FRMD5: variants seen among roughly 807,000 people sequenced by gnomAD.
FRMD5 encodes the protein FERM domain-containing protein 5.
In FRMD5, 20 loss-of-function variants were observed where a neutral mutation model predicts 69.0. The ratio of observed to expected loss-of-function variants is 0.29; its 90% CI spans 0.20 to 0.42. The LOEUF (loss-of-function observed/expected upper bound fraction) is 0.42. Among genes scored for constraint, FRMD5 ranks in the 10% least tolerant of loss-of-function variants. The probability of loss-of-function intolerance (pLI) is 1.00; values close to 1 mark genes in which losing one functional copy is unlikely to be tolerated. For synonymous variants in FRMD5, 271 were observed against 260.1 expected (o/e 1.04, Z -0.40); for missense variants, 595 against 708.6 (o/e 0.84, Z 1.82).
At chr15:43,951,244 C>A (rs1420640531) in intron 1 of FRMD5, among the ~76,000 whole-genome samples, 2 of 151,760 alleles carry the variant, frequency 1.3e-5, no homozygotes, top group East Asian at 1.9e-4. Context: ...TACGGTGAAA[C>A]CCTGTCTGTA....
chr15:43,956,742 C>T (rs957388115), intron 1 of FRMD5, among the ~76,000 whole-genome samples: 3 of 152,146 alleles, frequency 2.0e-5, no homozygotes, highest in East Asian at 3.8e-4. Context: ...CTCATATGTA[C>T]GTGTGTCCAT....
intron 1 of FRMD5, among the ~76,000 whole-genome samples, chr15:44,175,743 T>C (rs2077883246): frequency 6.6e-6 from 1 of 152,144 alleles, no homozygotes; most frequent in Non-Finnish European, 1.5e-5. Flanking sequence ...GATGAACAAA[T>C]TGTGATACAT....
At chr15:43,921,742 A>G (rs144778591) in intron 2 of FRMD5, among the ~76,000 whole-genome samples, 104 of 152,354 alleles carry the variant, frequency 6.8e-4, no homozygotes, top group Non-Finnish European at 1.2e-3. Context: ...CCAATGTGGC[A>G]CAATCTTCAG....
chr15:43,965,702 C>T (rs548097125), intron 1 of FRMD5, among the ~76,000 whole-genome samples: 8 of 151,664 alleles, frequency 5.3e-5, no homozygotes, highest in African/African-American at 1.9e-4. Flanking sequence ...CTGCCTCAGC[C>T]TCCCAAGTAG....
intron 1 of FRMD5, among the ~76,000 whole-genome samples, chr15:44,115,319 C>A (rs117860261): frequency 6.6e-6 from 1 of 152,216 alleles, no homozygotes; most frequent in East Asian, 1.9e-4. Flanking sequence ...CTTTTATCTC[C>A]ATAAAAACAG....
At chr15:44,040,346 C>A (rs1402014262) in intron 1 of FRMD5, among the ~76,000 whole-genome samples, 1 of 151,880 alleles carries the variant, frequency 6.6e-6, no homozygotes, top group African/African-American at 2.4e-5. Context: ...GAAGAGCAAC[C>A]CCAAGACACA....
At chr15:44,150,361 A>G (rs2077423719) in intron 1 of FRMD5, among the ~76,000 whole-genome samples, 1 of 151,834 alleles carries the variant, frequency 6.6e-6, no homozygotes, top group Non-Finnish European at 1.5e-5. Context: ...AAGATATAAA[A>G]TTGTTTGTTT....
intron 1 of FRMD5, among the ~76,000 whole-genome samples, chr15:44,187,537 C>T (rs540134019): frequency 4.6e-5 from 7 of 151,186 alleles, no homozygotes; most frequent in African/African-American, 1.7e-4. Flanking sequence ...ATGCTCTTTA[C>T]GCATCCCCAT....
intron 7 of FRMD5, among the ~76,000 whole-genome samples, chr15:43,901,485 G>C (rs796494708): frequency 6.6e-6 from 1 of 152,172 alleles, no homozygotes; most frequent in Non-Finnish European, 1.5e-5. Context: ...GTAATGGAAA[G>C]AGAGAGGCAG....
intron 1 of FRMD5, among the ~76,000 whole-genome samples, chr15:44,192,999 C>G (rs2078220990): frequency 6.6e-6 from 1 of 152,154 alleles, no homozygotes; most frequent in South Asian, 2.1e-4. Flanking sequence ...ATAGCAAGCA[C>G]AAATCCAATA....
chr15:43,933,724 G>C (rs1454308825), intron 1 of FRMD5, among the ~76,000 whole-genome samples: 1 of 152,216 alleles, frequency 6.6e-6, no homozygotes, highest in Non-Finnish European at 1.5e-5. Flanking sequence ...CTTCCTACCA[G>C]GTTTTTAAAT....
chr15:43,887,124 GCTT>G lies in FRMD5; in HGVS notation c.884+1048_884+1050del, dbSNP rs563650570. On this transcript the variant is annotated intron_variant, in intron 10 of 13. Transcript: ENST00000417257. ...AGAGGCAAGGAGATTGCTTCTGTTTGCTTCTTCTCTACCCTTTGGTAGAGAGAA... is the reference window on the plus strand; with the variant it reads ...AGAGGCAAGGAGATTGCTTCTGTTTGCTTCTCTACCCTTTGGTAGAGAGAA... Among the ~76,000 whole-genome samples, 338 of 152,342 alleles carry G rather than the reference GCTT, an allele frequency of 2.2e-3. 3 individuals carry two copies. Among genetic ancestry groups the G allele is most frequent in the African/African-American group, 7.8e-3 (324 of 41,568 alleles).
At chr15:44,093,852 G>A (rs1267708351) in intron 1 of FRMD5, among the ~76,000 whole-genome samples, 3 of 151,944 alleles carry the variant, frequency 2.0e-5, no homozygotes, top group South Asian at 2.1e-4. Flanking sequence ...GATTACAGGC[G>A]TGATCCACCA....
At chr15:43,947,887 G>C (rs891936264) in intron 1 of FRMD5, among the ~76,000 whole-genome samples, 1 of 152,162 alleles carries the variant, frequency 6.6e-6, no homozygotes, top group African/African-American at 2.4e-5. Context: ...AAAAGCTAAC[G>C]AGTAGCCAAG....
intron 1 of FRMD5, among the ~76,000 whole-genome samples, chr15:43,987,754 T>A (rs1889467652): frequency 6.6e-6 from 1 of 152,176 alleles, no homozygotes; most frequent in Non-Finnish European, 1.5e-5. Context: ...TTCACCATGC[T>A]GGCAAGGCTA....
intron 1 of FRMD5, among the ~76,000 whole-genome samples, chr15:43,978,431 G>A (rs767884933): frequency 3.3e-5 from 5 of 152,174 alleles, no homozygotes; most frequent in African/African-American, 1.2e-4. Flanking sequence ...AGGGAAAGAA[G>A]GGACTGCGAT....
intron 2 of FRMD5, among the ~76,000 whole-genome samples, chr15:43,922,877 C>T (rs527998579): frequency 2.4e-4 from 37 of 152,202 alleles, no homozygotes; most frequent in African/African-American, 8.2e-4. Flanking sequence ...GCCATGTTGC[C>T]CAGGCTGGTC....
intron 1 of FRMD5, among the ~76,000 whole-genome samples, chr15:44,132,569 C>T (rs987394833): frequency 6.6e-6 from 1 of 152,094 alleles, no homozygotes; most frequent in Non-Finnish European, 1.5e-5. Flanking sequence ...GTTGGGACTA[C>T]AGACATGTGC....
intron 7 of FRMD5, among the ~76,000 whole-genome samples, 177 bp from the exon 8 acceptor site, chr15:43,892,246 C>T (rs367651457): frequency 6.6e-6 from 1 of 152,180 alleles, no homozygotes; most frequent in Non-Finnish European, 1.5e-5. Context: ...ACTTGCCAGC[C>T]GCATGACTAC....
Sources: allele counts gnomAD v4.1 joint callset (sites outside exome capture counted in the v4.1 genomes callset), GRCh38; gene constraint gnomAD v4.1.1; transcripts MANE v1.5; gene names NCBI Gene and HGNC (gene_info 2026-07-23, HGNC 2026-07-21).